The following TRPM2 variants were observed in gnomAD, a reference collection of about 807,000 sequenced individuals.
The protein encoded by TRPM2 is estrogen-responsive element-associated gene 1 protein.
In TRPM2, 161 loss-of-function variants were observed where a neutral mutation model predicts 174.0. The ratio of observed to expected loss-of-function variants is 0.93; its 90% CI spans 0.81 to 1.05. The LOEUF (loss-of-function observed/expected upper bound fraction) is 1.05, where lower values mean the gene tolerates loss of function less well. TRPM2 is among the 50% of genes least tolerant of loss of function. The pLI is 0.00. For missense variants in TRPM2, 2,057 were observed against 2,038.0 expected (o/e 1.01, Z -0.18); for synonymous variants, 954 against 861.3 (o/e 1.11, Z -1.88).
rs183451731 is a variant in TRPM2 at position 44,400,085 on chromosome 21, C to T, written c.2209-174C>T. Among the ~76,000 whole-genome samples, 145 of 152,254 alleles carry T rather than the reference C, an allele frequency of 9.5e-4. 1 individual carries two copies. The highest frequency in any genetic ancestry group is 3.3e-3 in the African/African-American group (139 of 41,546). On this transcript the variant is annotated intron_variant, in intron 14 of 31. Coordinates refer to ENST00000397928, the MANE Select transcript of TRPM2 (RefSeq NM_003307.4). Reference sequence around the variant, plus strand: ...CCATAGCTTGAGGTCAGGTGAAAGGCGGGATTGGACACCCAAAGCCCCAGG... The same window carrying T: ...CCATAGCTTGAGGTCAGGTGAAAGGTGGGATTGGACACCCAAAGCCCCAGG...
In TRPM2 at chr21:44,366,705, C is replaced by A; in HGVS notation, c.424-49C>A. 6.2e-7 allele frequency: 1 copy of A among 1,611,228 alleles called. No individual in the cohort carries two copies. Among genetic ancestry groups the A allele is most frequent in the Non-Finnish European group, 8.5e-7 (1 of 1,179,062 alleles). ...ATGGCCTGTGTGGGTCGGTGCTGTC[C>A]CTGACCACTGACACACAGGTTCCCT... On this transcript the variant is annotated intron_variant, in intron 3 of 31. Coordinates refer to ENST00000397928, the MANE Select transcript of TRPM2 (RefSeq NM_003307.4). This position sits in a 1 kb window ranked among gnomAD's most constrained non-coding sequence, Gnocchi z 6.0.
In TRPM2 at chr21:44,391,640, C is replaced by T. The variant is rs759971622; in HGVS notation, c.1794+15C>T. 13 of 1,557,560 alleles carry T rather than the reference C, an allele frequency of 8.3e-6. No homozygotes were observed. The highest frequency in any genetic ancestry group is 2.3e-5 in the East Asian group (1 of 44,276). On this transcript the variant is annotated intron_variant, in intron 11 of 31. Coordinates refer to ENST00000397928, the MANE Select transcript of TRPM2 (RefSeq NM_003307.4). This position sits in a 1 kb window ranked among gnomAD's most constrained non-coding sequence, Gnocchi z 5.0. The stretch of plus-strand genomic sequence containing the variant: ...TCAAGCTCAACGTGCGTGCTGGTAA[C>T]GGGGCCCATCCTGGACTCGTCTTCG...
At chr21:44,425,961 C>A in intron 25 of TRPM2, 134 bp downstream of exon 25, 1 of 1,216,600 alleles carries the variant, frequency 8.2e-7, no homozygotes, top group Non-Finnish European at 1.1e-6. Flanking sequence ...GTGCGTCTGG[C>A]AGCCCCTGTT....
chr21:44,415,887 G>A (rs1846059455), intron 20 of TRPM2: 6 of 152,100 alleles, frequency 3.9e-5, no homozygotes, highest in Admixed American at 3.3e-4. Context: ...TGCTCTTGCA[G>A]CTTTTAAACT....
chr21:44,397,441 C>A (rs2049463553), intron 12 of TRPM2, among the ~76,000 whole-genome samples: 1 of 152,198 alleles, frequency 6.6e-6, no homozygotes, highest in East Asian at 1.9e-4. Flanking sequence ...GTGGTGCCGC[C>A]CTCTGCAGCT....
At chr21:44,393,716 A>T (rs1241535079) in intron 11 of TRPM2, among the ~76,000 whole-genome samples, 1 of 145,158 alleles carries the variant, frequency 6.9e-6, no homozygotes, top group East Asian at 2.0e-4. Context: ...TTCTTTTCTG[A>T]TTATTTTTCT....
intron 27 of TRPM2, among the ~76,000 whole-genome samples, chr21:44,434,548 G>A (rs2010779): frequency 0.82 from 125,209 of 152,072 alleles, 51,670 homozygotes; most frequent in East Asian, 0.93. Flanking sequence ...ACAGGAAATC[G>A]CCCGTTTCTA....
chr21:44,357,494 C>T (rs777627722), intron 2 of TRPM2, among the ~76,000 whole-genome samples: 4 of 152,216 alleles, frequency 2.6e-5, no homozygotes, highest in South Asian at 2.1e-4. Context: ...AGACACAGGC[C>T]GAGTCTGGAG....
At position 44,387,930 on chromosome 21, in the gene TRPM2, G is replaced by T. The variant is rs183230977; in HGVS notation, c.1319-2974G>T. 3.9e-5 allele frequency among the ~76,000 whole-genome samples: 6 copies of T among 152,322 alleles called. No homozygotes were observed. In the East Asian group the frequency reaches 9.6e-4, roughly 24 times the overall value. On this transcript the variant is annotated intron_variant, in intron 9 of 31. Coordinates refer to ENST00000397928, the MANE Select transcript of TRPM2 (RefSeq NM_003307.4). ...AGTGTGTGGAGAAACTGGAGCCCTT[G>T]TGCACTGTTGGTGGATATGTAACAT...
rs1479349948 is a variant in TRPM2 at position 44,437,147 on chromosome 21, G to T, written c.4147G>T (p.Glu1383Ter). 5 of 1,551,284 alleles carry T rather than the reference G, an allele frequency of 3.2e-6. No homozygotes were observed. The Admixed American group carries it at 9.8e-5, about 30-fold the overall frequency. ...EVLVVKLPLS[E>*]HWALPGGSRE... ...GCTGGTGGTGAAGCTCCCTCTCTCC[G>T]AGCACTGGGCCCTGCCTGGGGTAAG... The change falls in exon 29 of 32, where the codon GAG becomes TAG. Residue 1383 changes from glutamate (E) to a stop codon, truncating the protein, a stop_gained. Transcript: ENST00000397928. LOFTEE classifies it high-confidence loss of function.
chr21:44,406,956 G>A (rs1359305686), intron 19 of TRPM2, among the ~76,000 whole-genome samples, 191 bp downstream of exon 19: 3 of 150,228 alleles, frequency 2.0e-5, no homozygotes, highest in African/African-American at 4.9e-5. Flanking sequence ...GCCCCACCAG[G>A]GGAGGGAGGA....
rs2049139812 is a variant in TRPM2, at chr21:44,390,475, T to C, written c.1319-429T>C. On this transcript the variant is annotated intron_variant, in intron 9 of 31. Coordinates refer to ENST00000397928, the MANE Select transcript of TRPM2 (RefSeq NM_003307.4). ...TGAGAACCAGTGAGGTGGTTGTTAC[T>C]GTTGAACATTTACAGGCAGTTGAGG... Among the ~76,000 whole-genome samples, 2 of 152,236 alleles carry C rather than the reference T, an allele frequency of 1.3e-5. 1 individual carries two copies. The highest frequency in any genetic ancestry group is 4.1e-4 in the South Asian group (2 of 4,836).
At chr21:44,379,277 C>T in intron 8 of TRPM2, 80 bp downstream of exon 8, 2 of 1,508,116 alleles carry the variant, frequency 1.3e-6, no homozygotes. Flanking sequence ...AGGACCAGGA[C>T]TCATGGACCG....
Position 44,405,973 on chromosome 21 carries a change from G to A in TRPM2, c.2726G>A (p.Arg909Gln), listed in dbSNP as rs148121425. 4.7e-5 allele frequency: 75 copies of A among 1,608,698 alleles called. No individual in the cohort carries two copies. Among genetic ancestry groups the A allele is most frequent in the Admixed American group, 1.7e-4 (10 of 59,970 alleles). ...CTGGACTTCATCCTGTTCTGCCTCC[G>A]GCTCATGCACATTTTTACCATCAGT... The part of the protein sequence containing the change: ...LSLDFILFCL[R>Q]LMHIFTISKT... The change falls in exon 18 of 32, where the codon CGG (arginine) becomes CAG (glutamine). Residue 909 changes from arginine to glutamine, a missense_variant. Coordinates refer to ENST00000397928, the MANE Select transcript of TRPM2 (RefSeq NM_003307.4).
rs1269411480 is a variant in TRPM2, at chr21:44,413,987, T to G, written c.3059T>G (p.Phe1020Cys). 6.2e-7 allele frequency: 1 copy of G among 1,613,736 alleles called. No homozygotes were observed. The highest frequency in any genetic ancestry group is 1.3e-5 in the African/African-American group (1 of 74,904). The change falls in exon 20 of 32, where the codon TTC becomes TGC. Residue 1020 changes from phenylalanine to cysteine, a missense_variant. Transcript: ENST00000397928. ...ESDATQQRPAFPEWLTVLLLC... is the reference protein window; with the variant it reads ...ESDATQQRPACPEWLTVLLLC... ...GACGCGACGCAGCAGAGGCCGGCCT[T>G]CCCTGAGTGGCTGACGGTCCTCCTA... is the stretch of plus-strand genomic sequence containing the variant.
chr21:44,377,918 C>T lies in TRPM2; in HGVS notation c.1014+145C>T, dbSNP rs182877489. 2.1e-3 allele frequency: 2,038 copies of T among 994,090 alleles called. 13 individuals carry two copies. The highest frequency in any genetic ancestry group is 2.4e-3 in the Non-Finnish European group (1,591 of 675,686). 61.6% of individuals were successfully genotyped at this position (994,090 alleles called of 1,614,324 possible). ...ACCAGAAGAAGAGAAAGAGCATCTA[C>T]GCTGTGTCGGGGCTGCTTCTGGGTG... On this transcript the variant is annotated intron_variant, in intron 7 of 31. Coordinates refer to ENST00000397928, the MANE Select transcript of TRPM2 (RefSeq NM_003307.4).
At chr21:44,389,065 G>A (rs762719728) in intron 9 of TRPM2, among the ~76,000 whole-genome samples, 2 of 151,884 alleles carry the variant, frequency 1.3e-5, no homozygotes, top group Admixed American at 6.6e-5. Flanking sequence ...TTCCCTCATG[G>A]CCCTTTGTAG....
chr21:44,356,258 C>T (rs370088196), intron 2 of TRPM2, among the ~76,000 whole-genome samples: 16 of 150,692 alleles, frequency 1.1e-4, no homozygotes, highest in South Asian at 2.1e-4. Flanking sequence ...GCAAAACTCG[C>T]GGCCATGGAG....
At chr21:44,424,327 T>A (rs1315679384) in intron 23 of TRPM2, among the ~76,000 whole-genome samples, 2 of 152,208 alleles carry the variant, frequency 1.3e-5, no homozygotes, top group African/African-American at 2.4e-5. Flanking sequence ...CCCAGGGGTC[T>A]GCCCAGGCCG....
Sources: gnomAD v4.1 joint callset for allele counts (sites outside exome capture counted in the v4.1 genomes callset) on GRCh38, gnomAD v4.1.1 for gene constraint, Gnocchi (gnomAD v3.1) non-coding constraint, MANE v1.5 for transcripts, NCBI Gene and HGNC (gene_info 2026-07-23, HGNC 2026-07-21) for gene names.